Variants in NPHP4 observed in about 807,000 individuals in gnomAD.
The protein encoded by NPHP4 is nephrocystin-4.
Under a neutral mutation model 155.8 loss-of-function variants are expected in NPHP4, and 151 were observed. The ratio of observed to expected loss-of-function variants is 0.97; its 90% CI spans 0.85 to 1.11. The LOEUF (loss-of-function observed/expected upper bound fraction) is 1.11, where lower values mean the gene tolerates loss of function less well. NPHP4 is among the 50% of genes least tolerant of loss of function. The pLI, the probability that NPHP4 is intolerant of heterozygous loss-of-function variation, is 0.00. For missense variants in NPHP4, 1,956 were observed against 1,925.7 expected, an observed-to-expected ratio of 1.02 and a Z score of -0.29; for synonymous variants, 845 against 816.8, an observed-to-expected ratio of 1.03 and a Z score of -0.59.
At position 5,863,313 on chromosome 1, in the gene NPHP4, A is replaced by G. The variant is rs1557575235; in HGVS notation, c.4233T>C (p.His1411=). The G allele has an allele frequency of 1.2e-6, 2 of 1,613,950 alleles. No homozygotes were observed. Among genetic ancestry groups the G allele is most frequent in the East Asian group, 4.5e-5 (2 of 44,882 alleles). Residue 1411 remains histidine (H), a synonymous_variant, in exon 30 of 30, where the codon CAT becomes CAC. Transcript: ENST00000378156. ...AAAATGCCTCTTCGTTTTTGTCCTCATGGTCATTGATGTAGATCAGGATCT... is the reference window on the plus strand; with the variant it reads ...AAAATGCCTCTTCGTTTTTGTCCTCGTGGTCATTGATGTAGATCAGGATCT... ...EEEILIYIND[H]EDKNEEAFCV... is the part of the protein sequence containing the mutation.
At chr1:5,907,960 C>A (rs573530975) in intron 12 of NPHP4, among the ~76,000 whole-genome samples, 1 of 152,244 alleles carries the variant, frequency 6.6e-6, no homozygotes, top group Admixed American at 6.5e-5. Flanking sequence ...TGGGGGCCCA[C>A]GCACTACTGA....
chr1:5,888,582 T>C, intron 17 of NPHP4: 2 of 1,350,896 alleles, frequency 1.5e-6, no homozygotes, highest in South Asian at 2.3e-5. Flanking sequence ...CCTCAGTCAC[T>C]GGGAGACTGA....
intron 2 of NPHP4, among the ~76,000 whole-genome samples, chr1:5,979,078 G>A (rs527881606): frequency 6.6e-6 from 1 of 150,658 alleles, no homozygotes; most frequent in South Asian, 2.1e-4. Context: ...AGACAGGCAG[G>A]ACCCTGCCCC....
At chr1:5,912,288 C>G (rs1461629362) in intron 11 of NPHP4, among the ~76,000 whole-genome samples, 1 of 152,146 alleles carries the variant, frequency 6.6e-6, no homozygotes, top group Non-Finnish European at 1.5e-5. Flanking sequence ...CCTGTAATCC[C>G]AGCACTTTGG....
intron 28 of NPHP4, 40 bp from the exon 29 acceptor site, chr1:5,864,073 CG>C: frequency 6.2e-7 from 1 of 1,602,824 alleles, no homozygotes; most frequent in East Asian, 2.2e-5. Context: ...CGGCCACTCA[CG>C]GGAACAGCCA....
At chr1:5,951,645 G>C (rs1648083678) in intron 7 of NPHP4, among the ~76,000 whole-genome samples, 1 of 152,224 alleles carries the variant, frequency 6.6e-6, no homozygotes, top group South Asian at 2.1e-4. Flanking sequence ...AGCCAGGGCG[G>C]ACAGACCTCA....
At chr1:5,875,594 C>A (rs527855264) in intron 20 of NPHP4, among the ~76,000 whole-genome samples, 2 of 152,254 alleles carry the variant, frequency 1.3e-5, no homozygotes, top group Non-Finnish European at 2.9e-5. Context: ...GCTGCCTCAG[C>A]AAGGCTCAGC....
intron 10 of NPHP4, 31 bp downstream of exon 10, chr1:5,933,116 G>A (rs369107591): frequency 1.2e-4 from 171 of 1,449,416 alleles, no homozygotes; most frequent in Admixed American, 1.1e-4. Flanking sequence ...GAAGCTCACC[G>A]GAGATGCATA....
chr1:5,956,697 C>A (rs1649308546), intron 6 of NPHP4, among the ~76,000 whole-genome samples: 1 of 152,308 alleles, frequency 6.6e-6, no homozygotes, highest in East Asian at 1.9e-4. Context: ...GGCTAGCTAG[C>A]AAAGGGCAAA....
rs1400332278 is a variant in NPHP4, at chr1:5,863,062, G to C, written c.*203C>G. 3.3e-6 allele frequency: 2 copies of C among 608,924 alleles called. No individual in the cohort carries two copies. The highest frequency in any genetic ancestry group is 5.6e-5 in the East Asian group (2 of 35,628). The allele number at this position is 608,924 out of a possible 1,614,324, so 37.7% of individuals were successfully genotyped here. A position where few individuals can be genotyped will look rare whatever the true frequency, so the allele number is the denominator to read the frequency against. On this transcript the variant is annotated 3_prime_UTR_variant, in exon 30 of 30. Transcript: ENST00000378156. Reference sequence around the variant, plus strand: ...CGCGCTCACGGAACCCAGGCCTGCTGGGTGTCAGCAGCAGCTAAGCTGGAT... The same window carrying C: ...CGCGCTCACGGAACCCAGGCCTGCTCGGTGTCAGCAGCAGCTAAGCTGGAT...
At position 5,874,301 on chromosome 1, in the gene NPHP4, T is replaced by C. The variant is rs1275433245; in HGVS notation, c.3231+170A>G. On this transcript the variant is annotated intron_variant, in intron 22 of 29. Transcript: ENST00000378156. Reference sequence around the variant, plus strand: ...AAAAGAGAAGGGGCTGGTTGCCACTTGCAGTGTACATGCCAGGGCTCTTGT... The same window carrying C: ...AAAAGAGAAGGGGCTGGTTGCCACTCGCAGTGTACATGCCAGGGCTCTTGT... Among the ~76,000 whole-genome samples, 3 of 143,060 alleles carry C rather than the reference T, an allele frequency of 2.1e-5. No individual in the cohort carries two copies. In the East Asian group the frequency reaches 5.8e-4, roughly 28 times the overall value. The allele number at this position is 143,060 out of a possible 152,430, so 93.9% of individuals were successfully genotyped here. A position where few individuals can be genotyped will look rare whatever the true frequency, so the allele number is the denominator to read the frequency against.
chr1:5,877,941 T>C (rs1263175567), intron 19 of NPHP4, among the ~76,000 whole-genome samples: 2 of 152,222 alleles, frequency 1.3e-5, no homozygotes, highest in East Asian at 1.9e-4. Flanking sequence ...CAGCCACTAC[T>C]GGATGGGCCA....
intron 9 of NPHP4, among the ~76,000 whole-genome samples, chr1:5,945,839 A>G (rs1227669866): frequency 6.6e-6 from 1 of 152,194 alleles, no homozygotes; most frequent in Non-Finnish European, 1.5e-5. Flanking sequence ...AAACTCCAGA[A>G]GAAAACAATC....
At position 5,928,255 on chromosome 1, in the gene NPHP4, ACT is replaced by A. The variant is rs546242895; in HGVS notation, c.1303-470_1303-469del. ...GGCAATCTATGACTGCTTCCCCAGC[ACT>A]GTCATTTCGTCTTTTTGAGAATGTC... On this transcript the variant is annotated intron_variant, in intron 10 of 29. Coordinates refer to ENST00000378156, the MANE Select transcript of NPHP4 (RefSeq NM_015102.5). Among the ~76,000 whole-genome samples the A allele has an allele frequency of 3.0e-3, 456 of 152,276 alleles. 4 individuals carry two copies. The highest frequency in any genetic ancestry group is 0.011 in the African/African-American group (439 of 41,554).
chr1:5,898,085 G>A (rs1486683095), intron 16 of NPHP4, among the ~76,000 whole-genome samples: 1 of 152,174 alleles, frequency 6.6e-6, no homozygotes, highest in Non-Finnish European at 1.5e-5. Flanking sequence ...ATGCCTCTCG[G>A]CTGGGACAGC....
intron 9 of NPHP4, among the ~76,000 whole-genome samples, chr1:5,941,577 T>C (rs1646818885): frequency 6.7e-6 from 1 of 149,478 alleles, no homozygotes; most frequent in African/African-American, 2.5e-5. Flanking sequence ...ACTTTTAATA[T>C]TTGATGAAAA....
At chr1:5,971,762 G>A (rs776195378) in intron 3 of NPHP4, among the ~76,000 whole-genome samples, 1 of 150,952 alleles carries the variant, frequency 6.6e-6, no homozygotes, top group Non-Finnish European at 1.5e-5. Flanking sequence ...CATTTGGAAA[G>A]GAACATTCTC....
At chr1:5,966,209 C>G (rs2102214347) in intron 5 of NPHP4, among the ~76,000 whole-genome samples, 1 of 152,230 alleles carries the variant, frequency 6.6e-6, no homozygotes, top group South Asian at 2.1e-4. Context: ...GAGATTGTCA[C>G]CAAGACCAGT....
chr1:5,945,280 T>C (rs551193768), intron 9 of NPHP4, among the ~76,000 whole-genome samples: 154 of 149,922 alleles, frequency 1.0e-3, no homozygotes, highest in African/African-American at 3.7e-3. Context: ...CCATTTCTCC[T>C]CCGCTCACTC....
Sources: allele counts gnomAD v4.1 joint callset (sites outside exome capture counted in the v4.1 genomes callset), GRCh38; gene constraint gnomAD v4.1.1; transcripts MANE v1.5; gene names NCBI Gene and HGNC (gene_info 2026-07-23, HGNC 2026-07-21).